Variants in HNF4A observed in about 807,000 individuals in gnomAD.
HNF4A encodes the protein hepatocyte nuclear factor 4 alpha.
Under a neutral mutation model 52.4 loss-of-function variants are expected in HNF4A, and 15 were observed. That is an observed-to-expected ratio of 0.29 (90% CI 0.19 to 0.44). The LOEUF is 0.44. HNF4A is among the 20% of genes least tolerant of loss of function. The pLI is 1.00. For missense variants in HNF4A, 479 were observed against 647.2 expected (o/e 0.74, Z 2.82); for synonymous variants, 280 against 264.4 (o/e 1.06, Z -0.57).
intron 1 of HNF4A, among the ~76,000 whole-genome samples, chr20:44,393,313 GAGA>G (rs1480941798): frequency 6.6e-6 from 1 of 152,214 alleles, no homozygotes; most frequent in Admixed American, 6.5e-5. Flanking sequence ...GCAGCCTGCG[GAGA>G]AGCTCCACCC....
intron 6 of HNF4A, 101 bp downstream of exon 6, chr20:44,418,613 G>A (rs2063699725): frequency 1.1e-5 from 10 of 910,912 alleles, no homozygotes; most frequent in Non-Finnish European, 1.6e-5. Flanking sequence ...CAAGGGTGAG[G>A]GAGACTAGTC....
At chr20:44,396,887 C>T (rs1027629559), upstream of HNF4A, among the ~76,000 whole-genome samples, 2 of 152,160 alleles carry the variant, frequency 1.3e-5, no homozygotes, top group Non-Finnish European at 2.9e-5. Flanking sequence ...CTATCTGACC[C>T]ACAAGGTCTG....
chr20:44,383,095 G>A (rs1263067149), intron 1 of HNF4A, among the ~76,000 whole-genome samples: 1 of 152,086 alleles, frequency 6.6e-6, no homozygotes, highest in Non-Finnish European at 1.5e-5. Flanking sequence ...TCTGAGCCTG[G>A]AGACTTGGAG....
Position 44,430,033 on chromosome 20 carries a change from T to C in HNF4A, c.*368T>C, listed in dbSNP as rs1019815185. On this transcript the variant is annotated 3_prime_UTR_variant, in exon 10 of 10. Transcript: ENST00000316099. ...AACCCAGCTCCCTTCTTCCCTAGCC[T>C]GGTGCTTCTCCTCTCCTAGCCCCTG... 8.2e-6 allele frequency: 2 copies of C among 243,368 alleles called. No homozygotes were observed. The highest frequency in any genetic ancestry group is 4.5e-5 in the African/African-American group (2 of 44,230). The allele number at this position is 243,368 out of a possible 1,614,324, so 15.1% of individuals were successfully genotyped here.
At chr20:44,394,356 G>A (rs2063333205) in intron 1 of HNF4A, among the ~76,000 whole-genome samples, 1 of 152,154 alleles carries the variant, frequency 6.6e-6, no homozygotes, top group South Asian at 2.1e-4. Flanking sequence ...TCTGTGCAAT[G>A]AGGGGATGGG....
chr20:44,433,247 G>T (rs1432659513), downstream of HNF4A: 1 of 152,372 alleles, frequency 6.6e-6, no homozygotes, highest in South Asian at 2.1e-4. Flanking sequence ...CCAAGGGTCT[G>T]TCATCCTCCA....
rs143394784 is a variant in HNF4A, at chr20:44,424,671, A to G, written c.1129+417A>G. On this transcript the variant is annotated intron_variant, in intron 8 of 9. Coordinates refer to ENST00000316099, the MANE Select transcript of HNF4A (RefSeq NM_000457.6). ...TTAACTGAAAAGGAATCCTCTTTAGATAGGGGAGGCCACAGGAGACCTCTC... is the reference window on the plus strand; with the variant it reads ...TTAACTGAAAAGGAATCCTCTTTAGGTAGGGGAGGCCACAGGAGACCTCTC... 1,776 of 1,262,848 alleles carry G rather than the reference A, an allele frequency of 1.4e-3. 13 individuals carry two copies. The East Asian group carries it at 0.02, about 15-fold the overall frequency. 78.2% of individuals were successfully genotyped at this position (1,262,848 alleles called of 1,614,324 possible).
At chr20:44,388,381 A>ACCCCCCCCCCCCCCCCC (rs1227407354) in intron 1 of HNF4A, among the ~76,000 whole-genome samples, 2 of 76,218 alleles carry the variant, frequency 2.6e-5, no homozygotes, top group South Asian at 5.1e-4. Flanking sequence ...GACCCCCCCC[A>ACCCCCCCCCCCCCCCCC]CCCCCGTACA....
At chr20:44,377,491 G>A (rs191837797) in intron 1 of HNF4A, among the ~76,000 whole-genome samples, 20 of 152,212 alleles carry the variant, frequency 1.3e-4, no homozygotes, top group African/African-American at 4.8e-4. Flanking sequence ...AGCCGGGCGC[G>A]GTAGCTCATG....
At chr20:44,357,599 T>C (rs1051884034) in intron 1 of HNF4A, among the ~76,000 whole-genome samples, 1 of 152,144 alleles carries the variant, frequency 6.6e-6, no homozygotes, top group Non-Finnish European at 1.5e-5. Context: ...TCTCTGCACC[T>C]TGTAGGATGT....
chr20:44,413,587 C>T, intron 3 of HNF4A, 107 bp from the exon 4 acceptor site: 1 of 784,678 alleles, frequency 1.3e-6, no homozygotes. Flanking sequence ...TGGGCCTGTT[C>T]TCTGGACACC....
At chr20:44,409,596 G>A (rs956836213) in intron 3 of HNF4A, among the ~76,000 whole-genome samples, 29 of 152,322 alleles carry the variant, frequency 1.9e-4, no homozygotes, top group African/African-American at 6.3e-4. Flanking sequence ...CCTCCACTGC[G>A]TGTGGCCTGG....
intron 1 of HNF4A, chr20:44,391,313 G>A (rs2063299476): frequency 6.6e-6 from 1 of 152,466 alleles, no homozygotes. Context: ...TTCCATCCAG[G>A]GGACACCTTC....
At chr20:44,392,709 G>T (rs1385869305) in intron 1 of HNF4A, among the ~76,000 whole-genome samples, 2 of 152,144 alleles carry the variant, frequency 1.3e-5, no homozygotes, top group Non-Finnish European at 2.9e-5. Flanking sequence ...TCTCTGCTTT[G>T]TTAGACAAAA....
At chr20:44,402,538 G>C in intron 1 of HNF4A, 1 of 1,358,430 alleles carries the variant, frequency 7.4e-7, no homozygotes. Flanking sequence ...CAACATGTCC[G>C]TTTGTCTCTG....
At chr20:44,400,648 G>A (rs115017368), upstream of HNF4A, among the ~76,000 whole-genome samples, 905 of 152,276 alleles carry the variant, frequency 5.9e-3, 5 homozygotes, top group African/African-American at 0.021. Context: ...GAGACGGAGA[G>A]GGGCAGGGTG....
chr20:44,419,795 G>A lies in HNF4A; in HGVS notation c.811G>A (p.Glu271Lys), dbSNP rs781364316. 3.7e-6 allele frequency: 6 copies of A among 1,614,074 alleles called. No individual in the cohort carries two copies. The highest frequency in any genetic ancestry group is 3.3e-5 in the Admixed American group (2 of 60,018). ...CCGGGTGTCCATACGCATCCTTGACGAGCTGGTGCTGCCCTTCCAGGAGCT... is the reference window on the plus strand; with the variant it reads ...CCGGGTGTCCATACGCATCCTTGACAAGCTGGTGCTGCCCTTCCAGGAGCT... Residue 271 changes from glutamate to lysine, a missense_variant, in exon 7 of 10, where the codon GAG (glutamate) becomes AAG (lysine). Around this residue, in one of 3 missense-constraint regions of HNF4A, gnomAD observed 389 missense variants for 525.1 expected, o/e 0.74. Coordinates refer to ENST00000316099, the MANE Select transcript of HNF4A (RefSeq NM_000457.6).
At chr20:44,421,647 A>G (rs1306121017) in intron 7 of HNF4A, among the ~76,000 whole-genome samples, 1 of 151,684 alleles carries the variant, frequency 6.6e-6, no homozygotes, top group African/African-American at 2.4e-5. Context: ...CCAGCTACTC[A>G]GGAGGCTGAG....
intron 1 of HNF4A, among the ~76,000 whole-genome samples, chr20:44,404,594 G>A (rs62206820): frequency 0.18 from 27,631 of 151,312 alleles, 2,800 homozygotes; most frequent in Middle Eastern, 0.27. Flanking sequence ...ATATGTGTGT[G>A]TTGATGTGTT....
Sources: gnomAD v4.1 joint callset for allele counts (sites outside exome capture counted in the v4.1 genomes callset) on GRCh38, gnomAD v4.1.1 for gene constraint, gnomAD v4.1.1 regional missense constraint, MANE v1.5 for transcripts, NCBI Gene and HGNC (gene_info 2026-07-23, HGNC 2026-07-21) for gene names.